Variants in PCSK5 observed in about 807,000 individuals in gnomAD.
PCSK5 encodes the protein prohormone convertase 5.
In PCSK5, 129 loss-of-function variants were observed where a neutral mutation model predicts 233.2. That is an observed-to-expected ratio of 0.55 (90% CI 0.48 to 0.64). PCSK5 has a LOEUF of 0.64. Ranked by LOEUF, PCSK5 falls within the 30% of genes least tolerant of loss-of-function variation. The pLI is 0.00. For synonymous variants in PCSK5, 825 were observed against 879.2 expected, an observed-to-expected ratio of 0.94 and a Z score of 1.09; for missense variants, 2,076 against 2,430.1, an observed-to-expected ratio of 0.85 and a Z score of 3.06.
At chr9:75,927,143 T>A (rs1671258073) in intron 1 of PCSK5, among the ~76,000 whole-genome samples, 1 of 152,212 alleles carries the variant, frequency 6.6e-6, no homozygotes, top group African/African-American at 2.4e-5. Context: ...GTCTTGTTAA[T>A]GTTAGCCATT....
chr9:76,288,057 T>A (rs1342648841), intron 24 of PCSK5: 1 of 152,218 alleles, frequency 6.6e-6, no homozygotes, highest in Non-Finnish European at 1.5e-5. Context: ...CTGTTTAAGG[T>A]GTTGAAACCA....
At chr9:76,346,239 G>A (rs1433095037) in intron 35 of PCSK5, among the ~76,000 whole-genome samples, 3 of 152,080 alleles carry the variant, frequency 2.0e-5, no homozygotes, top group Non-Finnish European at 4.4e-5. Context: ...CTTTTCCATT[G>A]GTCTATGTGT....
At chr9:75,959,659 G>A (rs981494929) in intron 2 of PCSK5, among the ~76,000 whole-genome samples, 1 of 152,278 alleles carries the variant, frequency 6.6e-6, no homozygotes, top group Non-Finnish European at 1.5e-5. Flanking sequence ...GGCTGGGCTC[G>A]GGGCCGACTC....
intron 28 of PCSK5, 130 bp from the exon 29 acceptor site, chr9:76,308,515 A>T: frequency 1.5e-6 from 1 of 678,300 alleles, no homozygotes; most frequent in East Asian, 2.7e-5. Context: ...CAATCAGCTC[A>T]TGTACAATCA....
chr9:75,999,659 C>T (rs1053483580), intron 3 of PCSK5, among the ~76,000 whole-genome samples: 1 of 152,224 alleles, frequency 6.6e-6, no homozygotes, highest in African/African-American at 2.4e-5. Flanking sequence ...TGCCCTCATT[C>T]CCGTAAATCC....
chr9:76,347,116 T>A (rs1830001439), intron 35 of PCSK5, among the ~76,000 whole-genome samples: 1 of 152,072 alleles, frequency 6.6e-6, no homozygotes, highest in South Asian at 2.1e-4. Flanking sequence ...TGTGTTATTG[T>A]TTCTTCTCCT....
chr9:76,285,073 G>A (rs1307436852), intron 24 of PCSK5, among the ~76,000 whole-genome samples: 1 of 152,150 alleles, frequency 6.6e-6, no homozygotes, highest in East Asian at 1.9e-4. Context: ...TAGAACTTTA[G>A]ATTTCTGTTG....
Position 76,347,776 on chromosome 9 carries a change from A to G in PCSK5, c.4967-3052A>G, listed in dbSNP as rs546817599. On this transcript the variant is annotated intron_variant, in intron 35 of 37. Coordinates refer to ENST00000674117, the MANE Select transcript of PCSK5 (RefSeq NM_001372043.1). ...CAAAAATAAAAAGAAAAAAAAAAAA[A>G]AAAGAAAGAAAATGTAACCAACCTT... 1.7e-4 allele frequency among the ~76,000 whole-genome samples: 20 copies of G among 117,964 alleles called. 1 individual carries two copies. The South Asian group carries it at 4.6e-3, about 27-fold the overall frequency. The allele number at this position is 117,964 out of a possible 152,430, so 77.4% of individuals were successfully genotyped here.
chr9:75,908,937 C>CTA (rs1564074980), intron 1 of PCSK5, among the ~76,000 whole-genome samples: 294 of 89,546 alleles, frequency 3.3e-3, no homozygotes, highest in Admixed American at 4.8e-3. Flanking sequence ...CTATCTCTCT[C>CTA]TCTGTCTATC....
chr9:75,943,106 A>T (rs1325378704), intron 2 of PCSK5, among the ~76,000 whole-genome samples: 1 of 151,906 alleles, frequency 6.6e-6, no homozygotes, highest in Non-Finnish European at 1.5e-5. Context: ...GCTGGTCTCG[A>T]ACTCCTGACC....
intron 24 of PCSK5, among the ~76,000 whole-genome samples, chr9:76,284,908 G>T (rs1264802926): frequency 6.6e-6 from 1 of 152,080 alleles, no homozygotes; most frequent in Non-Finnish European, 1.5e-5. Flanking sequence ...ATACATTCAT[G>T]CACTAGTACA....
At chr9:76,053,925 A>C (rs1829726097) in intron 5 of PCSK5, among the ~76,000 whole-genome samples, 1 of 152,196 alleles carries the variant, frequency 6.6e-6, no homozygotes, top group Non-Finnish European at 1.5e-5. Context: ...TGCTGCTAAT[A>C]AAGACATACT....
intron 3 of PCSK5, among the ~76,000 whole-genome samples, chr9:76,014,127 G>A (rs1045525288): frequency 2.6e-5 from 4 of 152,068 alleles, no homozygotes; most frequent in African/African-American, 9.7e-5. Context: ...AGGGGACCGA[G>A]AGGGTGAAGA....
rs59248860 is a variant in PCSK5, at chr9:76,173,496, C to CTTTTTTTTT, written c.1757-1462_1757-1454dup. ...CTTTAATGAAATGGAGGCACGTTTC[C>CTTTTTTTTT]TTTTTTTTTTTTTTTTTTTTTTTTT... On this transcript the variant is annotated intron_variant, in intron 13 of 37. Transcript: ENST00000674117. Among the ~76,000 whole-genome samples, 458 of 60,908 alleles carry CTTTTTTTTT rather than the reference C, an allele frequency of 7.5e-3. 32 individuals carry two copies. The highest frequency in any genetic ancestry group is 8.2e-3 in the Non-Finnish European group (246 of 30,082). The allele number at this position is 60,908 out of a possible 152,430, so 40.0% of individuals were successfully genotyped here. A position where few individuals can be genotyped will look rare whatever the true frequency, so the allele number is the denominator to read the frequency against.
intron 20 of PCSK5, among the ~76,000 whole-genome samples, chr9:76,191,485 A>G (rs1466912827): frequency 2.0e-5 from 3 of 152,064 alleles, no homozygotes; most frequent in Non-Finnish European, 2.9e-5. Flanking sequence ...TTATTCCACA[A>G]CTCCCTACAA....
In PCSK5 at chr9:75,891,053, C is replaced by G. The variant is rs1234514370; in HGVS notation, c.-129C>G. ...CCGGGGCTAGCCGCCTCCTGCCGAT[C>G]GCCCGGGGCTGCGAGCTGCGGCGGC... On this transcript the variant is annotated 5_prime_UTR_variant, in exon 1 of 38. It adds an upstream start codon to the 5' untranslated region. Transcript: ENST00000674117. 3 of 741,206 alleles carry G rather than the reference C, an allele frequency of 4.0e-6. No individual in the cohort carries two copies. Among genetic ancestry groups the G allele is most frequent in the Non-Finnish European group, 3.9e-6 (2 of 513,932 alleles). 45.9% of individuals were successfully genotyped at this position (741,206 alleles called of 1,614,324 possible).
At chr9:75,964,553 C>T (rs1825493889) in intron 2 of PCSK5, among the ~76,000 whole-genome samples, 1 of 152,198 alleles carries the variant, frequency 6.6e-6, no homozygotes, top group South Asian at 2.1e-4. Flanking sequence ...TAGCACCACC[C>T]CACCTGCCTT....
chr9:76,261,205 T>C (rs2131359512), intron 24 of PCSK5, among the ~76,000 whole-genome samples: 2 of 152,280 alleles, frequency 1.3e-5, no homozygotes, highest in Admixed American at 1.3e-4. Context: ...ACATGACCCA[T>C]GTAGTAGTTT....
intron 20 of PCSK5, among the ~76,000 whole-genome samples, chr9:76,203,289 C>T (rs1027824809): frequency 1.6e-4 from 24 of 152,028 alleles, no homozygotes; most frequent in African/African-American, 5.3e-4. Context: ...CAGCAATAAG[C>T]GGCCAGGAAT....
Sources: gnomAD v4.1 joint callset for allele counts (sites outside exome capture counted in the v4.1 genomes callset) on GRCh38, gnomAD v4.1.1 for gene constraint, MANE v1.5 for transcripts, NCBI Gene and HGNC (gene_info 2026-07-23, HGNC 2026-07-21) for gene names.